PYY: variants seen among roughly 807,000 people sequenced by gnomAD.
PYY encodes peptide tyrosine tyrosine.
A neutral mutation model predicts 10.3 loss-of-function variants in PYY; 12 were observed. The ratio of observed to expected loss-of-function variants is 1.17; its 90% CI spans 0.75 to 1.89. The LOEUF (loss-of-function observed/expected upper bound fraction) is 1.89. Ranked by LOEUF, PYY falls within the 40% of genes most tolerant of loss-of-function variation. The probability of loss-of-function intolerance (pLI) is 0.00; values close to 1 mark genes in which losing one functional copy is unlikely to be tolerated. For missense variants in PYY, 141 were observed against 134.0 expected, an observed-to-expected ratio of 1.05 and a Z score of -0.26; for synonymous variants, 66 against 62.0, an observed-to-expected ratio of 1.06 and a Z score of -0.30.
chr17:43,997,935 G>A (rs117234809), intron 1 of PYY, among the ~76,000 whole-genome samples: 3,290 of 151,874 alleles, frequency 0.022, 56 homozygotes, highest in Non-Finnish European at 0.034. Context: ...ACCATAGATT[G>A]GTTTTTTTGT....
chr17:43,986,762 G>A (rs1478211767), intron 1 of PYY, among the ~76,000 whole-genome samples: 1 of 152,202 alleles, frequency 6.6e-6, no homozygotes, highest in Non-Finnish European at 1.5e-5. Flanking sequence ...AGCGCAGCCT[G>A]CGTGTTCCTG....
rs555852397 is a variant in PYY, at chr17:43,999,661, G to C, written c.-463+4730C>G. On this transcript the variant is annotated intron_variant, in intron 1 of 6. Transcript: ENST00000360085. ...CGCGTGCCTGTAATCCCAGCTACTCGGGAGGATGAGGCAGAAGAATTGCTT... is the reference window on the plus strand; with the variant it reads ...CGCGTGCCTGTAATCCCAGCTACTCCGGAGGATGAGGCAGAAGAATTGCTT... 1.5e-3 allele frequency among the ~76,000 whole-genome samples: 235 copies of C among 152,092 alleles called. 1 individual carries two copies. Among genetic ancestry groups the C allele is most frequent in the African/African-American group, 5.1e-3 (210 of 41,466 alleles).
At chr17:43,988,922 C>T (rs2048932271) in intron 1 of PYY, among the ~76,000 whole-genome samples, 1 of 151,832 alleles carries the variant, frequency 6.6e-6, no homozygotes, top group South Asian at 2.1e-4. Flanking sequence ...ACCAACACAC[C>T]GGCTAATGTT....
At chr17:43,967,693 C>T (rs553685210) in intron 1 of PYY, among the ~76,000 whole-genome samples, 11 of 152,306 alleles carry the variant, frequency 7.2e-5, no homozygotes, top group Non-Finnish European at 1.3e-4. Context: ...CTGCTGAATG[C>T]TGCTGTGAAA....
At chr17:43,992,803 T>C (rs1046305775) in intron 1 of PYY, among the ~76,000 whole-genome samples, 2 of 152,064 alleles carry the variant, frequency 1.3e-5, no homozygotes, top group East Asian at 1.9e-4. Context: ...CGCGAATCAC[T>C]TGATGGCCAT....
In PYY at chr17:43,989,852, A is replaced by C. The variant is rs1567936575; in HGVS notation, c.-463+14539T>G. ...AAAAAAAAAAAAAAAAAATATATAT[A>C]TATATATATATATATATATATATAT... On this transcript the variant is annotated intron_variant, in intron 1 of 6. Transcript: ENST00000360085. 5.9e-4 allele frequency among the ~76,000 whole-genome samples: 2 copies of C among 3,404 alleles called. 1 individual carries two copies. Among genetic ancestry groups the C allele is most frequent in the Non-Finnish European group, 1.6e-3 (2 of 1,272 alleles). The allele number at this position is 3,404 out of a possible 152,430, so 2.2% of individuals were successfully genotyped here.
chr17:43,959,016 A>C (rs1052461400), intron 2 of PYY, among the ~76,000 whole-genome samples: 1 of 152,234 alleles, frequency 6.6e-6, no homozygotes, highest in Non-Finnish European at 1.5e-5. Context: ...AAAATCTAGA[A>C]GTGTGCTACA....
intron 1 of PYY, among the ~76,000 whole-genome samples, chr17:43,993,840 A>G (rs1205203752): frequency 6.7e-6 from 1 of 149,828 alleles, no homozygotes; most frequent in Non-Finnish European, 1.5e-5. Context: ...TATTTTTTGA[A>G]ATTATTTATT....
At chr17:43,990,438 C>CA (rs59522069) in intron 1 of PYY, among the ~76,000 whole-genome samples, 1,580 of 92,578 alleles carry the variant, frequency 0.017, 37 homozygotes, top group African/African-American at 0.057. Context: ...GACTCCATCT[C>CA]AAAAAAAAAA....
At chr17:43,955,989 G>A (rs2048669663), upstream of PYY, among the ~76,000 whole-genome samples, 2 of 152,012 alleles carry the variant, frequency 1.3e-5, no homozygotes, top group Non-Finnish European at 2.9e-5. Flanking sequence ...TGCTGGTAGG[G>A]GATTTCTAGT....
intron 1 of PYY, among the ~76,000 whole-genome samples, chr17:43,977,872 G>A (rs995020808): frequency 6.6e-6 from 1 of 152,142 alleles, no homozygotes; most frequent in Non-Finnish European, 1.5e-5. Flanking sequence ...AGGGGCCTGT[G>A]AACCCCTTGA....
At chr17:43,978,531 T>A (rs2048863473) in intron 1 of PYY, among the ~76,000 whole-genome samples, 1 of 152,088 alleles carries the variant, frequency 6.6e-6, no homozygotes, top group Non-Finnish European at 1.5e-5. Context: ...GGGAAAAGCA[T>A]CTTTCATGGC....
chr17:43,979,682 C>T (rs1040210851), intron 1 of PYY, among the ~76,000 whole-genome samples: 2 of 146,584 alleles, frequency 1.4e-5, no homozygotes, highest in Admixed American at 1.4e-4. Context: ...TCTCAAACAA[C>T]AGAAAAAAAA....
At chr17:44,000,535 G>A (rs962819008) in intron 1 of PYY, among the ~76,000 whole-genome samples, 13 of 150,600 alleles carry the variant, frequency 8.6e-5, no homozygotes, top group Admixed American at 8.0e-4. Context: ...TGACACAGTC[G>A]CTGAGAATGC....
At chr17:44,003,238 G>A (rs2049042506) in intron 1 of PYY, among the ~76,000 whole-genome samples, 1 of 151,812 alleles carries the variant, frequency 6.6e-6, no homozygotes, top group African/African-American at 2.4e-5. Context: ...TCACCATGTT[G>A]GCCAGGCTGG....
At chr17:44,000,863 T>G (rs1241205467) in intron 1 of PYY, among the ~76,000 whole-genome samples, 2 of 151,998 alleles carry the variant, frequency 1.3e-5, no homozygotes, top group African/African-American at 2.4e-5. Flanking sequence ...CCTATGTGAG[T>G]GCACAATTCT....
At chr17:43,966,719 T>C (rs1457539193) in intron 1 of PYY, among the ~76,000 whole-genome samples, 1 of 152,226 alleles carries the variant, frequency 6.6e-6, no homozygotes, top group Admixed American at 6.5e-5. Context: ...GACTTATTTG[T>C]ATGCTTGTTG....
chr17:43,960,790 C>T (rs1436401292), intron 2 of PYY, among the ~76,000 whole-genome samples: 4 of 147,518 alleles, frequency 2.7e-5, no homozygotes, highest in African/African-American at 1.0e-4. Flanking sequence ...GCGGGGATTG[C>T]AGTGAGCTGA....
chr17:44,001,924 G>C (rs1371812670), intron 1 of PYY, among the ~76,000 whole-genome samples: 1 of 152,160 alleles, frequency 6.6e-6, no homozygotes. Flanking sequence ...GCACATTTGG[G>C]TTGAAGGAGT....
Sources: allele counts gnomAD v4.1 joint callset (sites outside exome capture counted in the v4.1 genomes callset), GRCh38; gene constraint gnomAD v4.1.1; transcripts MANE v1.5; gene names NCBI Gene and HGNC (gene_info 2026-07-23, HGNC 2026-07-21).